Variants in AIG1 observed in about 807,000 individuals in gnomAD.
The protein encoded by AIG1 is androgen-induced gene 1 protein.
Under a neutral mutation model 31.4 loss-of-function variants are expected in AIG1, and 23 were observed. That is an observed-to-expected ratio of 0.73 (90% confidence interval 0.53 to 1.04). The LOEUF (loss-of-function observed/expected upper bound fraction) is 1.04. AIG1 is among the 50% of genes least tolerant of loss of function. AIG1 has a pLI of 0.00. For missense variants in AIG1, 274 were observed against 295.0 expected (o/e 0.93, Z 0.52); for synonymous variants, 100 against 110.5 (o/e 0.90, Z 0.60).
chr6:143,294,753 C>G (rs118171627), intron 4 of AIG1, among the ~76,000 whole-genome samples: 1 of 152,092 alleles, frequency 6.6e-6, no homozygotes, highest in Non-Finnish European at 1.5e-5. Context: ...AACAAACCCC[C>G]CCTCTTCCTG....
intron 3 of AIG1, among the ~76,000 whole-genome samples, chr6:143,221,326 T>G (rs1247744830): frequency 6.6e-6 from 1 of 152,120 alleles, no homozygotes; most frequent in Admixed American, 6.6e-5. Flanking sequence ...AGGTAAAACC[T>G]CTGAGCTCCT....
At chr6:143,171,464 AT>A (rs35763823) in intron 3 of AIG1, among the ~76,000 whole-genome samples, 1 of 117,364 alleles carries the variant, frequency 8.5e-6, no homozygotes, top group Non-Finnish European at 1.7e-5. Context: ...TAATATATAT[AT>A]TTAATATATA....
At position 143,292,460 on chromosome 6, in the gene AIG1, G is replaced by A. The variant is rs199964228; in HGVS notation, c.515+8235G>A. Among the ~76,000 whole-genome samples the A allele has an allele frequency of 4.6e-5, 7 of 152,290 alleles. No homozygotes were observed. The East Asian group carries it at 1.4e-3, about 29-fold the overall frequency. ...ACTGCCGTCACTGGCTTTGAAGACA[G>A]AGGAAGGGGCTGTGAGCACGGAACA... On this transcript the variant is annotated intron_variant, in intron 4 of 5. Transcript: ENST00000357847. This position sits in a 1 kb window ranked among gnomAD's most constrained non-coding sequence, Gnocchi z 4.9.
At position 143,148,313 on chromosome 6, in the gene AIG1, GA is replaced by G. The variant is rs574966716; in HGVS notation, c.297+11325del. Among the ~76,000 whole-genome samples, 298 of 126,202 alleles carry G rather than the reference GA, an allele frequency of 2.4e-3. 3 individuals are homozygous for G. The highest frequency in any genetic ancestry group is 7.8e-3 in the South Asian group (31 of 3,984). The allele number at this position is 126,202 out of a possible 152,430, so 82.8% of individuals were successfully genotyped here. A position where few individuals can be genotyped will look rare whatever the true frequency, so the allele number is the denominator to read the frequency against. On this transcript the variant is annotated intron_variant, in intron 2 of 5. Coordinates refer to ENST00000357847, the MANE Select transcript of AIG1 (RefSeq NM_016108.4). ...CCCAGGAGTTTGACACCAGCCTGGG[GA>G]ACATAGTGAGATCCCATCTCTACAA...
At position 143,293,669 on chromosome 6, in the gene AIG1, A is replaced by G. The variant is rs1180959332; in HGVS notation, c.515+9444A>G. Among the ~76,000 whole-genome samples, 1 of 152,196 alleles carries G rather than the reference A, an allele frequency of 6.6e-6. No individual in the cohort carries two copies. The highest frequency in any genetic ancestry group is 1.5e-5 in the Non-Finnish European group (1 of 68,032). ...AGTTTTTTGTTCTCCTACCCCCAACAGCTGGTTCTCAGACATTCTGGGAGT... is the reference window on the plus strand; with the variant it reads ...AGTTTTTTGTTCTCCTACCCCCAACGGCTGGTTCTCAGACATTCTGGGAGT... On this transcript the variant is annotated intron_variant, in intron 4 of 5. Coordinates refer to ENST00000357847, the MANE Select transcript of AIG1 (RefSeq NM_016108.4). This position sits in a 1 kb window ranked among gnomAD's most constrained non-coding sequence, Gnocchi z 4.8.
chr6:143,257,377 G>A (rs2128654084), intron 3 of AIG1, among the ~76,000 whole-genome samples: 1 of 152,196 alleles, frequency 6.6e-6, no homozygotes, highest in South Asian at 2.1e-4. Context: ...TGTTATTCAG[G>A]GACCTTCTCG....
At chr6:143,272,888 TG>T (rs1796630562) in intron 3 of AIG1, among the ~76,000 whole-genome samples, 1 of 152,184 alleles carries the variant, frequency 6.6e-6, no homozygotes, top group Non-Finnish European at 1.5e-5. Flanking sequence ...CCCAGCACTT[TG>T]GGAGGCCGAG....
chr6:143,260,913 C>T (rs1007878435), intron 3 of AIG1, among the ~76,000 whole-genome samples: 1 of 152,156 alleles, frequency 6.6e-6, no homozygotes, highest in Admixed American at 6.5e-5. Flanking sequence ...CTTCACCCCC[C>T]CGCCATCCCT....
intron 2 of AIG1, among the ~76,000 whole-genome samples, chr6:143,157,628 G>C (rs1382994280): frequency 2.6e-5 from 4 of 151,776 alleles, no homozygotes; most frequent in Admixed American, 2.6e-4. Flanking sequence ...CTTCACCAAA[G>C]GCAATTTTTC....
Position 143,292,285 on chromosome 6 carries a change from C to T in AIG1, c.515+8060C>T, listed in dbSNP as rs1798110400. ...TTTGCAGGTGTGATTAAGGTAAGGA[C>T]CTTGTGATGGACAGGTTAGCCTGCT... On this transcript the variant is annotated intron_variant, in intron 4 of 5. Transcript: ENST00000357847. This position sits in a 1 kb window ranked among gnomAD's most constrained non-coding sequence, Gnocchi z 4.9. 6.6e-6 allele frequency among the ~76,000 whole-genome samples: 1 copy of T among 152,212 alleles called. No homozygotes were observed. Among genetic ancestry groups the T allele is most frequent in the Non-Finnish European group, 1.5e-5 (1 of 68,040 alleles).
At chr6:143,086,343 A>T (rs1778779333) in intron 1 of AIG1, among the ~76,000 whole-genome samples, 1 of 151,682 alleles carries the variant, frequency 6.6e-6, no homozygotes, top group African/African-American at 2.4e-5. Context: ...TTTCTTTACT[A>T]CTTCTATCTC....
intron 1 of AIG1, among the ~76,000 whole-genome samples, chr6:143,080,326 G>A (rs1373478951): frequency 6.6e-6 from 1 of 152,150 alleles, no homozygotes; most frequent in Non-Finnish European, 1.5e-5. Context: ...CTTAGTCATG[G>A]ACTGCATCTG....
At chr6:143,096,000 G>T (rs1381976541) in intron 1 of AIG1, among the ~76,000 whole-genome samples, 1 of 143,116 alleles carries the variant, frequency 7.0e-6, no homozygotes, top group Non-Finnish European at 1.5e-5. Flanking sequence ...TCTGCCTCCT[G>T]TGTTCAAGCT....
chr6:143,198,490 A>G (rs560773625), intron 3 of AIG1, among the ~76,000 whole-genome samples: 5 of 152,366 alleles, frequency 3.3e-5, no homozygotes, highest in Non-Finnish European at 7.3e-5. Context: ...TAAAACTGAC[A>G]TTGTTGAGTT....
At chr6:143,230,789 CAGTAAG>C (rs1372473784) in intron 3 of AIG1, among the ~76,000 whole-genome samples, 1 of 152,076 alleles carries the variant, frequency 6.6e-6, no homozygotes, top group Non-Finnish European at 1.5e-5. Context: ...CTCACGAAGA[CAGTAAG>C]AGAATAACTA....
rs901421396 is a variant in AIG1 at position 143,291,562 on chromosome 6, T to C, written c.515+7337T>C. On this transcript the variant is annotated intron_variant, in intron 4 of 5. Coordinates refer to ENST00000357847, the MANE Select transcript of AIG1 (RefSeq NM_016108.4). The surrounding 1 kb of genome is among the most constrained non-coding windows in gnomAD (Gnocchi z 4.2). The stretch of plus-strand genomic sequence containing the variant: ...ATTTGCCAATGACAGGGAAAGCCCC[T>C]TGCATAAGCACAGGCAGTGAAGTCA... 1.3e-5 allele frequency among the ~76,000 whole-genome samples: 2 copies of C among 152,198 alleles called. No homozygotes were observed. Among genetic ancestry groups the C allele is most frequent in the Non-Finnish European group, 1.5e-5 (1 of 68,026 alleles).
chr6:143,113,875 T>C (rs1781507886), intron 1 of AIG1, among the ~76,000 whole-genome samples: 1 of 151,864 alleles, frequency 6.6e-6, no homozygotes. Flanking sequence ...CCCGGGTTCA[T>C]GGCATTCTCC....
At chr6:143,317,097 C>T (rs772514893) in intron 4 of AIG1, among the ~76,000 whole-genome samples, 1 of 151,880 alleles carries the variant, frequency 6.6e-6, no homozygotes, top group Non-Finnish European at 1.5e-5. Flanking sequence ...AGAATTGGTA[C>T]CATTCCTATT....
chr6:143,223,659 A>T (rs573816566), intron 3 of AIG1, among the ~76,000 whole-genome samples: 1 of 152,242 alleles, frequency 6.6e-6, no homozygotes, highest in East Asian at 1.9e-4. Context: ...AATTTGGTTT[A>T]ATGTACTTGA....
Sources: allele counts gnomAD v4.1 joint callset (sites outside exome capture counted in the v4.1 genomes callset), GRCh38; gene constraint gnomAD v4.1.1; non-coding constraint Gnocchi (gnomAD v3.1); transcripts MANE v1.5; gene names NCBI Gene and HGNC (gene_info 2026-07-23, HGNC 2026-07-21).